Variants in RHOU observed in about 807,000 individuals in gnomAD.
RHOU encodes the protein rho-related GTP-binding protein RhoU.
In RHOU, 8 loss-of-function variants were observed where a neutral mutation model predicts 12.6. The ratio of observed to expected loss-of-function variants is 0.64; its 90% CI spans 0.37 to 1.15. RHOU has a LOEUF of 1.15. RHOU is among the 50% of genes most tolerant of loss of function. The pLI is 0.01. For missense variants in RHOU, 258 were observed against 347.0 expected (o/e 0.74, Z 2.04); for synonymous variants, 161 against 147.4 (o/e 1.09, Z -0.67).
the RHOU span, among the ~76,000 whole-genome samples, chr1:228,692,422 T>C: frequency 2.4e-4 from 37 of 152,320 alleles, 1 homozygote; most frequent in East Asian, 4.6e-3. Flanking sequence ...GTATTGCCAT[T>C]AAAAGATCAC....
chr1:228,736,259 C>G (rs75287810), intron 1 of RHOU, among the ~76,000 whole-genome samples: 1 of 36,152 alleles, frequency 2.8e-5, no homozygotes, highest in African/African-American at 1.5e-4. Context: ...CAGAGCCTTG[C>G]CAAAAAAAAA....
Position 228,743,178 on chromosome 1 carries a change from G to C in RHOU, c.322-107G>C, listed in dbSNP as rs1283969691. The C allele has an allele frequency of 6.1e-6, 6 of 990,636 alleles. No homozygotes were observed. In the Admixed American group the frequency reaches 1.0e-4, roughly 17 times the overall value. 61.4% of individuals were successfully genotyped at this position (990,636 alleles called of 1,614,324 possible). ...GCTGGCTCTTCCTTCTAGAACCAGC[G>C]GGTCTTCTATCACCTGCCAGACCCT... On this transcript the variant is annotated intron_variant, in intron 2 of 2. Transcript: ENST00000366691. The surrounding 1 kb of genome is among the most constrained non-coding windows in gnomAD (Gnocchi z 5.1).
intron 1 of RHOU, 135 bp downstream of exon 1, chr1:228,736,139 A>G (rs1160769426): frequency 2.0e-5 from 17 of 846,486 alleles, no homozygotes; most frequent in Non-Finnish European, 2.6e-5. Context: ...GAAGCCGGAC[A>G]AATGAGGAGT....
the RHOU span, among the ~76,000 whole-genome samples, chr1:228,703,258 G>A: frequency 6.6e-6 from 1 of 152,092 alleles, no homozygotes; most frequent in Non-Finnish European, 1.5e-5. Flanking sequence ...CAGGCGCGGC[G>A]TCTCACATCT....
At chr1:228,707,254 TAGTGTG>T in the RHOU span, among the ~76,000 whole-genome samples, 1 of 28,650 alleles carries the variant, frequency 3.5e-5, no homozygotes, top group Non-Finnish European at 5.5e-5. Context: ...TATATATATA[TAGTGTG>T]TGTGTGTGTG....
chr1:228,670,719 G>A, the RHOU span, among the ~76,000 whole-genome samples: 1 of 152,198 alleles, frequency 6.6e-6, no homozygotes, highest in Non-Finnish European at 1.5e-5. Flanking sequence ...CAGTGTTGGA[G>A]CAGAGGCCTG....
At chr1:228,740,763 T>C (rs1662704629) in intron 2 of RHOU, among the ~76,000 whole-genome samples, 1 of 152,196 alleles carries the variant, frequency 6.6e-6, no homozygotes, top group Non-Finnish European at 1.5e-5. Context: ...AACTTGGGGA[T>C]GTGGAGCTGG....
the RHOU span, among the ~76,000 whole-genome samples, chr1:228,667,024 C>T: frequency 6.6e-6 from 1 of 152,138 alleles, no homozygotes; most frequent in African/African-American, 2.4e-5. Context: ...TTTTAACTAT[C>T]GAAAGCTCTC....
the RHOU span, among the ~76,000 whole-genome samples, chr1:228,686,738 A>G: frequency 1.3e-5 from 2 of 152,162 alleles, no homozygotes; most frequent in African/African-American, 4.8e-5. Flanking sequence ...CCAACCAAAA[A>G]GCAAGGGAGA....
chr1:228,731,669 GGAA>G (rs1215867436), upstream of RHOU, among the ~76,000 whole-genome samples: 1 of 152,276 alleles, frequency 6.6e-6, no homozygotes, highest in Non-Finnish European at 1.5e-5. Context: ...GCAAGTTCAT[GGAA>G]GAAGGAGGAA....
Position 228,737,413 on chromosome 1 carries a change from G to C in RHOU, c.263-260G>C, listed in dbSNP as rs1416483116. Among the ~76,000 whole-genome samples the C allele has an allele frequency of 6.6e-6, 1 of 152,150 alleles. No individual in the cohort carries two copies. The highest frequency in any genetic ancestry group is 2.1e-4 in the South Asian group (1 of 4,828). On this transcript the variant is annotated intron_variant, in intron 1 of 2. Coordinates refer to ENST00000366691, the MANE Select transcript of RHOU (RefSeq NM_021205.6). This position sits in a 1 kb window ranked among gnomAD's most constrained non-coding sequence, Gnocchi z 4.1. ...TTCCAGGACTGGGAGAAAAGCATAGGCCTTTTTAGGGTCACCATCAAAGCG... is the reference window on the plus strand; with the variant it reads ...TTCCAGGACTGGGAGAAAAGCATAGCCCTTTTTAGGGTCACCATCAAAGCG...
chr1:228,700,139 T>C, the RHOU span, among the ~76,000 whole-genome samples: 5 of 152,212 alleles, frequency 3.3e-5, no homozygotes, highest in Admixed American at 1.3e-4. Flanking sequence ...TCCATGAGTC[T>C]ACGCTTAACA....
chr1:228,733,488 G>T (rs1423778696), upstream of RHOU, among the ~76,000 whole-genome samples: 1 of 152,102 alleles, frequency 6.6e-6, no homozygotes, highest in Non-Finnish European at 1.5e-5. Context: ...TTTATTTTTG[G>T]TAGAGACAGG....
At chr1:228,687,830 C>T in the RHOU span, 4 of 1,232,136 alleles carry the variant, frequency 3.2e-6, no homozygotes, top group Non-Finnish European at 4.7e-6. Context: ...AAAGCTAAGC[C>T]TCAGGCTAAT....
chr1:228,667,346 G>C, the RHOU span, among the ~76,000 whole-genome samples: 1 of 152,234 alleles, frequency 6.6e-6, no homozygotes. Context: ...ATCAGTAACT[G>C]CCTGGTGGCA....
chr1:228,719,334 G>T, the RHOU span, among the ~76,000 whole-genome samples: 3,966 of 152,298 alleles, frequency 0.026, 181 homozygotes, highest in African/African-American at 0.09. Context: ...ATAAAATCGT[G>T]TGTTTTCCAA....
chr1:228,701,088 C>A, the RHOU span, among the ~76,000 whole-genome samples: 1 of 151,774 alleles, frequency 6.6e-6, no homozygotes, highest in African/African-American at 2.4e-5. Context: ...GAGCCTGTTT[C>A]GAAAAAAATT....
chr1:228,690,051 G>T, the RHOU span, among the ~76,000 whole-genome samples: 1 of 152,108 alleles, frequency 6.6e-6, no homozygotes, highest in Non-Finnish European at 1.5e-5. Flanking sequence ...CTGTTTCAAT[G>T]TGTCCTTTCC....
the RHOU span, among the ~76,000 whole-genome samples, chr1:228,660,478 C>T: frequency 1.3e-5 from 2 of 151,784 alleles, no homozygotes; most frequent in Non-Finnish European, 1.5e-5. Flanking sequence ...TTCTATGAGG[C>T]TACAATTGCC....
Sources: allele counts gnomAD v4.1 joint callset (sites outside exome capture counted in the v4.1 genomes callset), GRCh38; gene constraint gnomAD v4.1.1; non-coding constraint Gnocchi (gnomAD v3.1); transcripts MANE v1.5; gene names NCBI Gene and HGNC (gene_info 2026-07-23, HGNC 2026-07-21).